Variants in PTPRN2 observed in about 807,000 individuals in gnomAD.
PTPRN2 encodes receptor-type tyrosine-protein phosphatase N2.
In PTPRN2, 74 loss-of-function variants were observed where a neutral mutation model predicts 118.8. That is an observed-to-expected ratio of 0.62 (90% CI 0.52 to 0.76). PTPRN2 has a LOEUF of 0.76. Ranked by LOEUF, PTPRN2 falls within the 30% of genes least tolerant of loss-of-function variation. The pLI, the probability that PTPRN2 is intolerant of heterozygous loss-of-function variation, is 0.00. For synonymous variants in PTPRN2, 641 were observed against 608.0 expected (o/e 1.05, Z -0.80); for missense variants, 1,481 against 1,394.4 (o/e 1.06, Z -0.99).
At chr7:158,461,399 G>A (rs1818972870) in intron 2 of PTPRN2, among the ~76,000 whole-genome samples, 2 of 152,070 alleles carry the variant, frequency 1.3e-5, no homozygotes, top group Admixed American at 6.6e-5. Context: ...GGGAGGCTGA[G>A]GCAGGAGAAT....
At chr7:158,285,938 T>A in intron 3 of PTPRN2, among the ~76,000 whole-genome samples, 1 of 148,436 alleles carries the variant, frequency 6.7e-6, no homozygotes, top group Non-Finnish European at 1.5e-5. Context: ...CACACAGAGG[T>A]GTCTGCTATG....
chr7:157,664,599 C>G (rs1476746), intron 13 of PTPRN2, among the ~76,000 whole-genome samples: 58,314 of 151,812 alleles, frequency 0.38, 12,233 homozygotes, highest in Non-Finnish European at 0.49. Context: ...ACCCCATCTC[C>G]AAAAAAATAA....
chr7:157,814,848 G>A (rs1806291914), intron 12 of PTPRN2, among the ~76,000 whole-genome samples: 1 of 152,186 alleles, frequency 6.6e-6, no homozygotes, highest in Non-Finnish European at 1.5e-5. Flanking sequence ...CCTGTTTCAG[G>A]TGTCCACACT....
chr7:158,178,965 A>G (rs1824460515), intron 5 of PTPRN2, among the ~76,000 whole-genome samples: 1 of 152,174 alleles, frequency 6.6e-6, no homozygotes, highest in South Asian at 2.1e-4. Flanking sequence ...GCTGCAATAA[A>G]CATATATCTA....
chr7:158,071,341 AGGTGCTCGTGGTG>A (rs1811519054), intron 11 of PTPRN2, among the ~76,000 whole-genome samples: 1 of 103,650 alleles, frequency 9.6e-6, no homozygotes, highest in Non-Finnish European at 1.9e-5. Flanking sequence ...ATGGTGGTGG[AGGTGCTCGTGGTG>A]GTGGAGGTGC....
chr7:157,638,590 C>T (rs910236061), intron 14 of PTPRN2, among the ~76,000 whole-genome samples: 1 of 152,260 alleles, frequency 6.6e-6, no homozygotes, highest in Non-Finnish European at 1.5e-5. Context: ...AGTGTTTTCA[C>T]TTTTCAGGGT....
intron 2 of PTPRN2, among the ~76,000 whole-genome samples, chr7:158,357,043 A>G (rs1808444250): frequency 6.6e-6 from 1 of 152,240 alleles, no homozygotes; most frequent in South Asian, 2.1e-4. Flanking sequence ...TGCAAGTAAC[A>G]GAGTGGAACC....
At chr7:158,034,106 A>G (rs912925012) in intron 11 of PTPRN2, among the ~76,000 whole-genome samples, 3 of 149,562 alleles carry the variant, frequency 2.0e-5, no homozygotes, top group Non-Finnish European at 3.0e-5. Context: ...CTGCCCAGCA[A>G]TGCTCTGCGT....
chr7:157,658,575 G>A (rs1160898049), intron 13 of PTPRN2, among the ~76,000 whole-genome samples: 1 of 152,192 alleles, frequency 6.6e-6, no homozygotes, highest in African/African-American at 2.4e-5. Context: ...ACACGGCCAC[G>A]CAGCCTCAGG....
chr7:158,522,144 G>A (rs867696271), intron 1 of PTPRN2, among the ~76,000 whole-genome samples: 29 of 70,206 alleles, frequency 4.1e-4, no homozygotes, highest in South Asian at 5.8e-4. Context: ...GCTCAGGAGG[G>A]AGGTCCACGT....
intron 12 of PTPRN2, among the ~76,000 whole-genome samples, chr7:157,685,260 C>T (rs1797125512): frequency 6.6e-6 from 1 of 151,978 alleles, no homozygotes; most frequent in Non-Finnish European, 1.5e-5. Context: ...ACCCCGGCCC[C>T]GCTGCCCCGG....
intron 10 of PTPRN2, among the ~76,000 whole-genome samples, chr7:158,099,017 C>T (rs1361694554): frequency 1.2e-5 from 1 of 86,490 alleles, no homozygotes; most frequent in African/African-American, 5.2e-5. Context: ...CAACACATCC[C>T]GGCTGCCTCC....
intron 11 of PTPRN2, among the ~76,000 whole-genome samples, chr7:157,966,615 T>A (rs1801953385): frequency 1.3e-5 from 2 of 149,828 alleles, no homozygotes; most frequent in Non-Finnish European, 3.0e-5. Context: ...ATCACCATCA[T>A]CATCTTTATG....
chr7:158,023,387 A>C (rs1355675911), intron 11 of PTPRN2, among the ~76,000 whole-genome samples: 1 of 152,032 alleles, frequency 6.6e-6, no homozygotes, highest in Non-Finnish European at 1.5e-5. Context: ...GCTGCTCCCA[A>C]TATCTGAAGA....
At chr7:158,106,759 A>T (rs1815722636) in intron 10 of PTPRN2, among the ~76,000 whole-genome samples, 1 of 152,180 alleles carries the variant, frequency 6.6e-6, no homozygotes, top group African/African-American at 2.4e-5. Flanking sequence ...TTCACAGAAG[A>T]TTAATCCTTG....
chr7:157,565,649 T>C (rs1278891008), intron 21 of PTPRN2, among the ~76,000 whole-genome samples: 1 of 152,168 alleles, frequency 6.6e-6, no homozygotes, highest in Non-Finnish European at 1.5e-5. Flanking sequence ...GAGTACCCCC[T>C]CAGTGCTGGT....
chr7:157,667,613 C>G (rs1186871593), intron 13 of PTPRN2, among the ~76,000 whole-genome samples: 2 of 152,242 alleles, frequency 1.3e-5, no homozygotes, highest in Non-Finnish European at 2.9e-5. Flanking sequence ...CTCTCCCTGC[C>G]TCCTCCCTCT....
At chr7:157,542,176 C>T (rs1798045376) in intron 22 of PTPRN2, among the ~76,000 whole-genome samples, 1 of 152,180 alleles carries the variant, frequency 6.6e-6, no homozygotes, top group Non-Finnish European at 1.5e-5. Flanking sequence ...CGCAAACGTT[C>T]TGTCTAAATG....
At chr7:158,490,285 G>A (rs926825979) in intron 1 of PTPRN2, among the ~76,000 whole-genome samples, 1 of 152,250 alleles carries the variant, frequency 6.6e-6, no homozygotes, top group Admixed American at 6.5e-5. Flanking sequence ...CCACAGACAA[G>A]AGACGCAGGA....
Sources: gnomAD v4.1 joint callset for allele counts (sites outside exome capture counted in the v4.1 genomes callset) on GRCh38, gnomAD v4.1.1 for gene constraint, MANE v1.5 for transcripts, NCBI Gene and HGNC (gene_info 2026-07-23, HGNC 2026-07-21) for gene names.